The following SLC35D1 variants were observed in gnomAD, a reference collection of about 807,000 sequenced individuals.
The protein encoded by SLC35D1 is nucleotide sugar transporter SLC35D1.
SLC35D1 carries 31 observed loss-of-function variants against 46.7 expected under a neutral mutation model. The ratio of observed to expected loss-of-function variants is 0.66; its 90% confidence interval spans 0.50 to 0.90. SLC35D1 has a LOEUF of 0.90. Ranked by LOEUF, SLC35D1 falls within the 40% of genes least tolerant of loss-of-function variation. SLC35D1 has a pLI of 0.00. For synonymous variants in SLC35D1, 195 were observed against 164.6 expected (o/e 1.18, Z -1.41); for missense variants, 397 against 426.2 (o/e 0.93, Z 0.60).
At chr1:67,028,240 CA>C (rs1209573307) in intron 8 of SLC35D1, among the ~76,000 whole-genome samples, 1 of 152,146 alleles carries the variant, frequency 6.6e-6, no homozygotes, top group African/African-American at 2.4e-5. Flanking sequence ...TATTAAGACT[CA>C]TTTTATGGCC....
At chr1:66,979,376 A>G in the SLC35D1 span, among the ~76,000 whole-genome samples, 2 of 152,198 alleles carry the variant, frequency 1.3e-5, no homozygotes, top group African/African-American at 4.8e-5. Context: ...TTCAGAGCAC[A>G]TTATCCTGAA....
At chr1:67,038,880 T>C (rs1478668798) in intron 8 of SLC35D1, among the ~76,000 whole-genome samples, 5 of 146,374 alleles carry the variant, frequency 3.4e-5, no homozygotes. Flanking sequence ...GTTTGGTTTC[T>C]CAAAATGCTT....
chr1:66,985,884 A>C, the SLC35D1 span: 1 of 940,084 alleles, frequency 1.1e-6, no homozygotes, highest in South Asian at 4.9e-5. Context: ...GAAATTAAGC[A>C]TGATGCTTAG....
At chr1:67,052,135 G>T in intron 3 of SLC35D1, 56 bp from the exon 4 acceptor site, 1 of 1,229,270 alleles carries the variant, frequency 8.1e-7, no homozygotes, top group Admixed American at 1.7e-5. Flanking sequence ...CTAAAACAAG[G>T]TCCTTTCAAA....
chr1:67,018,574 C>T lies in SLC35D1; in HGVS notation c.876+1795G>A, dbSNP rs1667733109. On this transcript the variant is annotated intron_variant, in intron 10 of 11. Coordinates refer to ENST00000235345, the MANE Select transcript of SLC35D1 (RefSeq NM_015139.3). The stretch of plus-strand genomic sequence containing the variant: ...GTATACCCGACAATTGCCTGGAAAC[C>T]CTGTTAAACATAAACATTTCTAAGC... Among the ~76,000 whole-genome samples, 3 of 152,246 alleles carry T rather than the reference C, an allele frequency of 2.0e-5. No homozygotes were observed. In the South Asian group the frequency reaches 6.2e-4, roughly 32 times the overall value.
At chr1:67,053,047 A>T in intron 1 of SLC35D1, 58 bp from the exon 2 acceptor site, 1 of 1,597,818 alleles carries the variant, frequency 6.3e-7, no homozygotes, top group Non-Finnish European at 8.6e-7. Context: ...AGCTCCGTGA[A>T]TTCAATTTGC....
intron 8 of SLC35D1, among the ~76,000 whole-genome samples, chr1:67,036,415 AT>A (rs1178813076): frequency 6.6e-6 from 1 of 151,966 alleles, no homozygotes; most frequent in Non-Finnish European, 1.5e-5. Context: ...TATTTGGTTA[AT>A]TTAAGTTAAT....
At chr1:66,998,774 A>C (rs1326111216), downstream of SLC35D1, among the ~76,000 whole-genome samples, 1 of 152,198 alleles carries the variant, frequency 6.6e-6, no homozygotes, top group Non-Finnish European at 1.5e-5. Context: ...ACTTATATAA[A>C]ATACCTAGTG....
intron 11 of SLC35D1, among the ~76,000 whole-genome samples, chr1:67,005,796 T>C (rs1667435716): frequency 6.6e-6 from 1 of 152,214 alleles, no homozygotes; most frequent in Non-Finnish European, 1.5e-5. Context: ...GCCTCCCTTA[T>C]GACCCTTGTG....
At chr1:67,037,377 T>C (rs1668146148) in intron 8 of SLC35D1, among the ~76,000 whole-genome samples, 1 of 152,102 alleles carries the variant, frequency 6.6e-6, no homozygotes, top group Non-Finnish European at 1.5e-5. Context: ...TGAGTAAGAT[T>C]AGCACAAAAA....
the SLC35D1 span, among the ~76,000 whole-genome samples, chr1:66,993,498 G>A: frequency 6.6e-6 from 1 of 151,914 alleles, no homozygotes; most frequent in African/African-American, 2.4e-5. Context: ...GGCAAGATGG[G>A]GACTCAGATA....
At chr1:66,979,536 A>C in the SLC35D1 span, among the ~76,000 whole-genome samples, 1 of 152,186 alleles carries the variant, frequency 6.6e-6, no homozygotes, top group African/African-American at 2.4e-5. Flanking sequence ...CAGCTTTCCA[A>C]ATAATTTTTC....
chr1:67,021,456 A>T, intron 9 of SLC35D1, 79 bp downstream of exon 9: 1 of 1,428,474 alleles, frequency 7.0e-7, no homozygotes, highest in Non-Finnish European at 9.9e-7. Context: ...ACCTAAAGAT[A>T]TTGAGAAAAG....
chr1:67,035,805 CTTTT>C, intron 8 of SLC35D1, among the ~76,000 whole-genome samples: 1 of 133,378 alleles, frequency 7.5e-6, no homozygotes. Context: ...TGAAGTTTTT[CTTTT>C]TTTTTTTTTT....
the SLC35D1 span, chr1:66,981,847 C>G: frequency 6.2e-7 from 1 of 1,613,986 alleles, no homozygotes; most frequent in Non-Finnish European, 8.5e-7. Flanking sequence ...TCCCCTCCCC[C>G]AACTGCATCA....
At chr1:66,996,372 T>C (rs932954319), downstream of SLC35D1, among the ~76,000 whole-genome samples, 4 of 152,206 alleles carry the variant, frequency 2.6e-5, no homozygotes, top group Admixed American at 2.6e-4. Flanking sequence ...TTGACAAGTA[T>C]AGAGCGGTGA....
At chr1:67,053,399 C>T (rs900827911) in intron 1 of SLC35D1, among the ~76,000 whole-genome samples, 14 of 152,164 alleles carry the variant, frequency 9.2e-5, no homozygotes, top group Non-Finnish European at 2.9e-5. Context: ...TCAGCGGGTG[C>T]AGGGGACACT....
the SLC35D1 span, among the ~76,000 whole-genome samples, chr1:66,974,817 C>G: frequency 3.3e-5 from 5 of 152,192 alleles, no homozygotes; most frequent in African/African-American, 7.2e-5. Context: ...GTTTTTATGT[C>G]TGGAATTAAA....
intron 8 of SLC35D1, among the ~76,000 whole-genome samples, chr1:67,036,006 T>C (rs1668116303): frequency 6.6e-6 from 1 of 152,064 alleles, no homozygotes; most frequent in African/African-American, 2.4e-5. Context: ...AATCCCTCGT[T>C]ATTAACTTCT....
Sources: allele counts gnomAD v4.1 joint callset (sites outside exome capture counted in the v4.1 genomes callset), GRCh38; gene constraint gnomAD v4.1.1; transcripts MANE v1.5; gene names NCBI Gene and HGNC (gene_info 2026-07-23, HGNC 2026-07-21).